Variants in ARSF observed in about 807,000 individuals in gnomAD.
ARSF encodes arylsulfatase F.
Under a neutral mutation model 35.4 loss-of-function variants are expected in ARSF, and 33 were observed. That is an observed-to-expected ratio of 0.93 (90% confidence interval 0.71 to 1.25). ARSF has a LOEUF of 1.25. Ranked by LOEUF, ARSF falls within the 50% of genes most tolerant of loss-of-function variation. The pLI, the probability that ARSF is intolerant of heterozygous loss-of-function variation, is 0.00. For missense variants in ARSF, 501 were observed against 480.2 expected (o/e 1.04, Z -0.40); for synonymous variants, 222 against 193.1 (o/e 1.15, Z -1.24).
intron 6 of ARSF, among the ~76,000 whole-genome samples, chrX:3,085,253 A>G (rs761681032): frequency 7.4e-5 from 8 of 108,486 alleles, no homozygotes; most frequent in Admixed American, 4.1e-4. Context: ...ATGTTAACTT[A>G]CAACAGGGAA....
At chrX:3,051,302 C>T (rs768528687) in intron 1 of ARSF, among the ~76,000 whole-genome samples, 2 of 111,913 alleles carry the variant, frequency 1.8e-5, no homozygotes, top group African/African-American at 3.2e-5. Flanking sequence ...ACTCAACAAC[C>T]CTGAGCACAT....
intron 7 of ARSF, among the ~76,000 whole-genome samples, chrX:3,097,344 A>G (rs2090344276): frequency 8.9e-6 from 1 of 112,351 alleles, no homozygotes; most frequent in Non-Finnish European, 1.9e-5. Flanking sequence ...GTTATCTGAT[A>G]AGTAGCATGA....
intron 8 of ARSF, among the ~76,000 whole-genome samples, chrX:3,102,144 A>T (rs950162409): frequency 9.0e-6 from 1 of 111,475 alleles, no homozygotes; most frequent in Non-Finnish European, 1.9e-5. Flanking sequence ...TTAAAAAAAA[A>T]ATTCAGTAGT....
chrX:3,067,131 C>G (rs1456269559), intron 1 of ARSF, among the ~76,000 whole-genome samples: 1 of 97,949 alleles, frequency 1.0e-5, no homozygotes. Context: ...TAACCAAGAA[C>G]GTGTGTGTGT....
chrX:3,060,404 C>T (rs1176662294), intron 1 of ARSF, among the ~76,000 whole-genome samples: 5 of 112,020 alleles, frequency 4.5e-5, no homozygotes, highest in African/African-American at 1.6e-4. Flanking sequence ...AGTGCCTCTT[C>T]TCCTCCAAAG....
At chrX:3,102,898 G>A (rs1046702149) in intron 8 of ARSF, among the ~76,000 whole-genome samples, 40 of 107,986 alleles carry the variant, frequency 3.7e-4, no homozygotes, top group East Asian at 1.1e-3. Flanking sequence ...GCAACAGAGC[G>A]AGACTCCATC....
rs1474888661 is a variant in ARSF at position 3,084,261 on chromosome X, T to C, written c.425T>C (p.Leu142Ser). The C allele has an allele frequency of 9.9e-6, 12 of 1,211,231 alleles. No homozygotes were observed. The highest frequency in any genetic ancestry group is 1.7e-5 in the African/African-American group (1 of 57,873). ...GTTTTAGGCAAATGGCACCAAGGCT[T>C]GAACTGCGACTCCCGAAGTGACCAG... ...TGLIGKWHQGLNCDSRSDQCH... is the reference protein window; with the variant it reads ...TGLIGKWHQGSNCDSRSDQCH... Residue 142 changes from leucine to serine, a missense_variant, in exon 6 of 11, where the codon TTG (leucine) becomes TCG (serine). Leu to Ser is a moderately radical substitution (Grantham distance 145, BLOSUM62 -2). Transcript: ENST00000381127.
rs759579242 is a variant in ARSF at position 3,096,960 on chromosome X, G to A, written c.968-4127G>A. ...AATCCGATATGGTGAATTAGGATGAGGCTGCTACATGCCAAGGAAGGCTAA... is the reference window on the plus strand; with the variant it reads ...AATCCGATATGGTGAATTAGGATGAAGCTGCTACATGCCAAGGAAGGCTAA... On this transcript the variant is annotated intron_variant, in intron 7 of 10. Transcript: ENST00000381127. Among the ~76,000 whole-genome samples, 8 of 111,265 alleles carry A rather than the reference G, an allele frequency of 7.2e-5. 1 individual carries two copies. The South Asian group carries it at 3.0e-3, about 42-fold the overall frequency.
At chrX:3,074,886 C>T (rs1241795320) in intron 3 of ARSF, among the ~76,000 whole-genome samples, 1 of 111,443 alleles carries the variant, frequency 9.0e-6, no homozygotes. Context: ...ACCCACCATT[C>T]TACTGTCTAC....
intron 7 of ARSF, among the ~76,000 whole-genome samples, chrX:3,098,615 G>A (rs1042780003): frequency 1.4e-4 from 15 of 110,997 alleles, no homozygotes; most frequent in Non-Finnish European, 2.1e-4. Context: ...TGTAAGATGT[G>A]CCTTTCACCT....
At chrX:3,057,967 A>G (rs2090025703) in intron 1 of ARSF, among the ~76,000 whole-genome samples, 1 of 112,108 alleles carries the variant, frequency 8.9e-6, no homozygotes, top group African/African-American at 3.2e-5. Context: ...AATGGACAGC[A>G]GAACATTGCA....
chrX:3,071,665 G>A (rs768253382), intron 2 of ARSF, among the ~76,000 whole-genome samples: 6 of 110,868 alleles, frequency 5.4e-5, no homozygotes, highest in Non-Finnish European at 1.1e-4. Flanking sequence ...GAGTGGGATT[G>A]CTGGATCAAA....
rs375328193 is a variant in ARSF, at chrX:3,081,004, G to A, written c.397G>A (p.Gly133Arg). ...ALLKKQGYST[G>R]LIGKWHQGLN... is the part of the protein sequence containing the mutation. ...GCTAAAGAAGCAAGGATACAGCACG[G>A]GGCTTATAGGTAAGACACAAGAATT... The change falls in exon 5 of 11, where the codon GGG becomes AGG. Residue 133 changes from glycine (G) to arginine (R), a missense_variant. Physicochemically the swap from Gly to Arg is moderately radical, Grantham distance 125. Transcript: ENST00000381127. The A allele has an allele frequency of 8.3e-7, 1 of 1,210,070 alleles. No homozygotes were observed. Among genetic ancestry groups the A allele is most frequent in the Non-Finnish European group, 1.1e-6 (1 of 894,944 alleles).
upstream of ARSF, among the ~76,000 whole-genome samples, chrX:3,041,159 A>T (rs1360391971): frequency 2.7e-5 from 3 of 111,273 alleles, no homozygotes; most frequent in Non-Finnish European, 1.9e-5. Flanking sequence ...AAACTGCTGC[A>T]CACATTACAC....
intron 7 of ARSF, among the ~76,000 whole-genome samples, chrX:3,093,035 G>T (rs188574756): frequency 3.6e-5 from 4 of 110,523 alleles, no homozygotes; most frequent in Non-Finnish European, 7.6e-5. Context: ...CCGTGGTGGC[G>T]GGCGTCTGTA....
chrX:3,094,245 A>G (rs754518483), intron 7 of ARSF, among the ~76,000 whole-genome samples: 18 of 111,825 alleles, frequency 1.6e-4, no homozygotes, highest in African/African-American at 5.8e-4. Flanking sequence ...GAGATAAGCC[A>G]GGGTTGGGCT....
At chrX:3,072,432 T>A (rs1263967659) in intron 3 of ARSF, among the ~76,000 whole-genome samples, 1 of 111,501 alleles carries the variant, frequency 9.0e-6, no homozygotes, top group African/African-American at 3.3e-5. Context: ...GGGTACACAG[T>A]GAGGTTTGGA....
chrX:3,079,134 G>A (rs1431372761), intron 4 of ARSF, among the ~76,000 whole-genome samples: 1 of 111,272 alleles, frequency 9.0e-6, no homozygotes, highest in East Asian at 2.8e-4. Context: ...CTATTCCCTC[G>A]CATGGATTCA....
At position 3,112,641 on chromosome X, in the gene ARSF, G is replaced by A; in HGVS notation, c.*85G>A. 9.3e-7 allele frequency: 1 copy of A among 1,070,077 alleles called. No homozygotes were observed. The highest frequency in any genetic ancestry group is 3.2e-5 in the East Asian group (1 of 31,073). The allele number at this position is 1,070,077 out of a possible 1,213,427, so 88.2% of individuals were successfully genotyped here. On this transcript the variant is annotated 3_prime_UTR_variant, in exon 11 of 11. Transcript: ENST00000381127. Reference sequence around the variant, plus strand: ...GGCTACCAAAGGAAGCACTAACTTTGGTGCTTTCAAGTTGGCAAGGAGTGC... The same window carrying A: ...GGCTACCAAAGGAAGCACTAACTTTAGTGCTTTCAAGTTGGCAAGGAGTGC...
Sources: allele counts gnomAD v4.1 joint callset (sites outside exome capture counted in the v4.1 genomes callset), GRCh38; gene constraint gnomAD v4.1.1; transcripts MANE v1.5; gene names NCBI Gene and HGNC (gene_info 2026-07-23, HGNC 2026-07-21).